The following GABRB2 variants were observed in gnomAD, a reference collection of about 807,000 sequenced individuals.
GABRB2 encodes gamma-aminobutyric acid receptor subunit beta-2.
Under a neutral mutation model 54.7 loss-of-function variants are expected in GABRB2, and 16 were observed. The ratio of observed to expected loss-of-function variants is 0.29; its 90% CI spans 0.20 to 0.44. GABRB2 has a LOEUF of 0.44. Among genes scored for constraint, GABRB2 ranks in the 20% least tolerant of loss-of-function variants. The probability of loss-of-function intolerance (pLI) is 1.00; values close to 1 mark genes in which losing one functional copy is unlikely to be tolerated. For synonymous variants in GABRB2, 244 were observed against 233.8 expected (o/e 1.04, Z -0.40); for missense variants, 355 against 644.0 (o/e 0.55, Z 4.86).
At chr5:161,432,986 A>G (rs149602304) in intron 4 of GABRB2, among the ~76,000 whole-genome samples, 1 of 152,294 alleles carries the variant, frequency 6.6e-6, no homozygotes, top group African/African-American at 2.4e-5. Flanking sequence ...ATCATATTAC[A>G]TTATGTGCCA....
chr5:161,458,411 C>T (rs761846101), intron 4 of GABRB2, among the ~76,000 whole-genome samples: 9 of 152,184 alleles, frequency 5.9e-5, no homozygotes, highest in African/African-American at 9.7e-5. Flanking sequence ...AATGTGCTCT[C>T]ATTCTGCCTC....
chr5:161,497,719 C>T (rs1342617779), intron 3 of GABRB2, among the ~76,000 whole-genome samples: 1 of 152,098 alleles, frequency 6.6e-6, no homozygotes, highest in Non-Finnish European at 1.5e-5. Flanking sequence ...GTCCACTCTG[C>T]CCTCTAGAAC....
At chr5:161,356,961 G>A (rs188584452) in intron 5 of GABRB2, among the ~76,000 whole-genome samples, 1 of 152,264 alleles carries the variant, frequency 6.6e-6, no homozygotes, top group Admixed American at 6.5e-5. Context: ...TGGCACTTAT[G>A]GCACATTGGT....
At chr5:161,357,210 C>T (rs1252915543) in intron 5 of GABRB2, among the ~76,000 whole-genome samples, 1 of 152,048 alleles carries the variant, frequency 6.6e-6, no homozygotes, top group Admixed American at 6.6e-5. Flanking sequence ...TCAGTGAGGG[C>T]CTCATTGGCA....
At chr5:161,370,902 G>A (rs1755111386) in intron 5 of GABRB2, among the ~76,000 whole-genome samples, 1 of 152,174 alleles carries the variant, frequency 6.6e-6, no homozygotes, top group Admixed American at 6.5e-5. Context: ...TTTTGGAAAA[G>A]TCAGCAACGA....
chr5:161,509,647 TTCACA>T (rs1196096230), intron 3 of GABRB2, among the ~76,000 whole-genome samples: 8 of 151,994 alleles, frequency 5.3e-5, no homozygotes, highest in Admixed American at 5.3e-4. Flanking sequence ...CAATCATCTC[TTCACA>T]TCACCACCTT....
chr5:161,399,512 G>A (rs1756116405), intron 5 of GABRB2, among the ~76,000 whole-genome samples: 2 of 152,166 alleles, frequency 1.3e-5, no homozygotes, highest in Non-Finnish European at 2.9e-5. Context: ...AGCTAGAGCA[G>A]TGACTACTTT....
intron 4 of GABRB2, among the ~76,000 whole-genome samples, chr5:161,447,146 A>G (rs1396692954): frequency 6.6e-6 from 1 of 152,176 alleles, no homozygotes; most frequent in Non-Finnish European, 1.5e-5. Context: ...CAGTAATCCT[A>G]CAAGATAGGA....
chr5:161,518,511 C>T (rs889364719), intron 3 of GABRB2, among the ~76,000 whole-genome samples: 1 of 152,164 alleles, frequency 6.6e-6, no homozygotes, highest in Non-Finnish European at 1.5e-5. Context: ...TAAAAAATCG[C>T]ATTTGACTGT....
At chr5:161,497,540 G>GTGTGTT (rs536413239) in intron 3 of GABRB2, among the ~76,000 whole-genome samples, 2,370 of 151,624 alleles carry the variant, frequency 0.016, 29 homozygotes, top group East Asian at 0.024. Flanking sequence ...ATGTGTGTGT[G>GTGTGTT]TGTGTGTGTG....
intron 4 of GABRB2, among the ~76,000 whole-genome samples, chr5:161,411,904 C>A (rs1169290626): frequency 6.6e-6 from 1 of 151,890 alleles, no homozygotes; most frequent in African/African-American, 2.4e-5. Flanking sequence ...TTAAAACATT[C>A]CAAATGTAGG....
chr5:161,326,509 AT>A (rs1758367995), intron 8 of GABRB2, 28 bp from the exon 9 acceptor site: 1 of 1,607,350 alleles, frequency 6.2e-7, no homozygotes, highest in Non-Finnish European at 8.5e-7. Context: ...GAATGTGCTA[AT>A]TAAGTCGATT....
chr5:161,523,056 G>C (rs1378656924), intron 3 of GABRB2, among the ~76,000 whole-genome samples: 3 of 151,328 alleles, frequency 2.0e-5, no homozygotes, highest in African/African-American at 7.3e-5. Context: ...GGAATCTTTT[G>C]AGCTTGATAC....
chr5:161,453,863 C>A (rs1183297838), intron 4 of GABRB2, among the ~76,000 whole-genome samples: 1 of 151,646 alleles, frequency 6.6e-6, no homozygotes, highest in Non-Finnish European at 1.5e-5. Context: ...ATGTTGAAAC[C>A]CTGTCTCTAC....
chr5:161,310,307 T>C (rs112594362), intron 9 of GABRB2, among the ~76,000 whole-genome samples: 9,696 of 152,204 alleles, frequency 0.064, 395 homozygotes, highest in Middle Eastern at 0.071. Flanking sequence ...ACCCCTGAAC[T>C]TAAAATAGAA....
intron 5 of GABRB2, among the ~76,000 whole-genome samples, chr5:161,338,394 G>C (rs570544159): frequency 2.1e-4 from 32 of 152,150 alleles, no homozygotes; most frequent in Non-Finnish European, 4.6e-4. Context: ...AAATTGCAGA[G>C]TTTTAACTGA....
chr5:161,424,911 T>C (rs1424789755), intron 4 of GABRB2, among the ~76,000 whole-genome samples: 2 of 152,110 alleles, frequency 1.3e-5, no homozygotes, highest in East Asian at 3.8e-4. Flanking sequence ...AATAAGAGTT[T>C]AGAATAAGTT....
intron 4 of GABRB2, among the ~76,000 whole-genome samples, chr5:161,436,035 G>A (rs570262867): frequency 6.6e-6 from 1 of 152,268 alleles, no homozygotes; most frequent in East Asian, 1.9e-4. Context: ...CAGAGTAACT[G>A]TTATAATTTC....
intron 7 of GABRB2, among the ~76,000 whole-genome samples, chr5:161,331,464 G>A (rs545778634): frequency 1.3e-5 from 2 of 152,126 alleles, no homozygotes; most frequent in East Asian, 3.9e-4. Flanking sequence ...TCAACTTTCT[G>A]ATGTGCCAGG....
Sources: gnomAD v4.1 joint callset for allele counts (sites outside exome capture counted in the v4.1 genomes callset) on GRCh38, gnomAD v4.1.1 for gene constraint, MANE v1.5 for transcripts, NCBI Gene and HGNC (gene_info 2026-07-23, HGNC 2026-07-21) for gene names.